The following SHCBP1 variants were observed in gnomAD, a reference collection of about 807,000 sequenced individuals.
SHCBP1 encodes SHC SH2 domain-binding protein 1.
Under a neutral mutation model 75.1 loss-of-function variants are expected in SHCBP1, and 60 were observed. That is an observed-to-expected ratio of 0.80 (90% CI 0.65 to 0.99). SHCBP1 has a LOEUF of 0.99. Ranked by LOEUF, SHCBP1 falls within the 50% of genes least tolerant of loss-of-function variation. The pLI, the probability that SHCBP1 is intolerant of heterozygous loss-of-function variation, is 0.00. For synonymous variants in SHCBP1, 290 were observed against 293.2 expected (o/e 0.99, Z 0.11); for missense variants, 709 against 809.4 (o/e 0.88, Z 1.50).
rs1184894060 is a variant in SHCBP1, at chr16:46,618,462, T to C, written c.104-90A>G. Reference sequence around the variant, plus strand: ...CCTTGCATAGAAATCCCAAACAAAATACAAACAAGAATTTGAATATGAATA... The same window carrying C: ...CCTTGCATAGAAATCCCAAACAAAACACAAACAAGAATTTGAATATGAATA... On this transcript the variant is annotated intron_variant, in intron 1 of 12. Coordinates refer to ENST00000303383, the MANE Select transcript of SHCBP1 (RefSeq NM_024745.5). The C allele has an allele frequency of 3.7e-6, 5 of 1,347,558 alleles. No individual in the cohort carries two copies. The African/African-American group carries it at 7.4e-5, about 20-fold the overall frequency. The allele number at this position is 1,347,558 out of a possible 1,614,324, so 83.5% of individuals were successfully genotyped here.
rs201988609 is a variant in SHCBP1, at chr16:46,585,514, C to CA, written c.1465-1426dup. Among the ~76,000 whole-genome samples, 1,210 of 152,214 alleles carry CA rather than the reference C, an allele frequency of 7.9e-3. 17 individuals carry two copies. Among genetic ancestry groups the CA allele is most frequent in the African/African-American group, 0.028 (1,144 of 41,536 alleles). On this transcript the variant is annotated intron_variant, in intron 10 of 12. Coordinates refer to ENST00000303383, the MANE Select transcript of SHCBP1 (RefSeq NM_024745.5). ...GCCAGCAATCCAGTACACCAACAGACATACACCCAAAAAAAAGCTGCTCTA... is the reference window on the plus strand; with the variant it reads ...GCCAGCAATCCAGTACACCAACAGACAATACACCCAAAAAAAAGCTGCTCTA...
At chr16:46,595,776 G>T in intron 9 of SHCBP1, 106 bp from the exon 10 acceptor site, 1 of 632,828 alleles carries the variant, frequency 1.6e-6, no homozygotes. Flanking sequence ...TTTCTCAATG[G>T]CTATCATTTA....
intron 4 of SHCBP1, among the ~76,000 whole-genome samples, chr16:46,614,387 C>T (rs1446981725): frequency 6.6e-6 from 1 of 152,192 alleles, no homozygotes; most frequent in African/African-American, 2.4e-5. Context: ...GCTCAGTCTT[C>T]TAGTTCCTGA....
chr16:46,612,277 C>A (rs1032495474), intron 4 of SHCBP1, among the ~76,000 whole-genome samples: 6 of 152,182 alleles, frequency 3.9e-5, no homozygotes, highest in African/African-American at 1.4e-4. Flanking sequence ...ACATGGAAGT[C>A]TTTGAGCATA....
intron 10 of SHCBP1, 80 bp from the exon 11 acceptor site, chr16:46,584,169 C>T (rs887709232): frequency 2.0e-6 from 2 of 983,890 alleles, no homozygotes; most frequent in Non-Finnish European, 3.0e-6. Flanking sequence ...TACTTCTTAG[C>T]CTTTAACACA....
chr16:46,616,843 G>A lies in SHCBP1; in HGVS notation c.388-689C>T, dbSNP rs1311570916. 6.6e-6 allele frequency among the ~76,000 whole-genome samples: 1 copy of A among 152,080 alleles called. No individual in the cohort carries two copies. Among genetic ancestry groups the A allele is most frequent in the African/African-American group, 2.4e-5 (1 of 41,392 alleles). ...GCACTTATCATAACCAAATGAATAG[G>A]CCTGAACTTCAACCAAAAAATATTA... On this transcript the variant is annotated intron_variant, in intron 3 of 12. Transcript: ENST00000303383. This position sits in a 1 kb window ranked among gnomAD's most constrained non-coding sequence, Gnocchi z 4.4.
intron 1 of SHCBP1, 33 bp downstream of exon 1, chr16:46,621,224 G>A (rs766711777): frequency 6.3e-7 from 1 of 1,582,230 alleles, no homozygotes; most frequent in Admixed American, 1.7e-5. Flanking sequence ...TCCGCTCAGA[G>A]GCGGCTCCTC....
chr16:46,615,910 G>C (rs752504584), intron 4 of SHCBP1, 36 bp downstream of exon 4: 2 of 1,603,252 alleles, frequency 1.2e-6, no homozygotes, highest in African/African-American at 1.3e-5. Flanking sequence ...CAAAGTTTCT[G>C]GCCACAAGGT....
At chr16:46,595,190 C>T (rs1316168446) in intron 10 of SHCBP1, among the ~76,000 whole-genome samples, 1 of 152,142 alleles carries the variant, frequency 6.6e-6, no homozygotes, top group Non-Finnish European at 1.5e-5. Context: ...TGTCAGTATT[C>T]TGGTTGTGAT....
rs9673832 is a variant in SHCBP1, at chr16:46,589,852, A to G, written c.1464+5700T>C. Among the ~76,000 whole-genome samples the G allele has an allele frequency of 5.7e-3, 863 of 152,308 alleles. 2 individuals carry two copies. The highest frequency in any genetic ancestry group is 0.013 in the Admixed American group (203 of 15,300). On this transcript the variant is annotated intron_variant, in intron 10 of 12. Transcript: ENST00000303383. ...TTCATATGGAACCAAAAAAGAGCCC[A>G]CATCGCCAAGACAATCCTAAGCCAA...
intron 8 of SHCBP1, 102 bp from the exon 9 acceptor site, chr16:46,600,064 A>C: frequency 1.5e-6 from 2 of 1,290,908 alleles, no homozygotes; most frequent in Non-Finnish European, 2.1e-6. Flanking sequence ...TGCAGATGAT[A>C]ATGAGACCAG....
chr16:46,618,190 A>G lies in SHCBP1; in HGVS notation c.271+15T>C. On this transcript the variant is annotated intron_variant, in intron 2 of 12. Coordinates refer to ENST00000303383, the MANE Select transcript of SHCBP1 (RefSeq NM_024745.5). ...AAACTCCATCTCAAAAAAAAAAAGC[A>G]AAAAACCTACTCACCTAAAATGTAA... 1.9e-6 allele frequency: 3 copies of G among 1,574,862 alleles called. No homozygotes were observed. Among genetic ancestry groups the G allele is most frequent in the Non-Finnish European group, 2.6e-6 (3 of 1,166,232 alleles).
intron 10 of SHCBP1, among the ~76,000 whole-genome samples, chr16:46,584,812 T>C (rs1964932637): frequency 6.6e-6 from 1 of 152,246 alleles, no homozygotes; most frequent in African/African-American, 2.4e-5. Context: ...TCTATAGTTA[T>C]TTCAGCAACC....
intron 8 of SHCBP1, among the ~76,000 whole-genome samples, chr16:46,601,308 CAA>C (rs895442312): frequency 1.3e-5 from 2 of 151,784 alleles, no homozygotes; most frequent in African/African-American, 4.8e-5. Context: ...GACTCCACCT[CAA>C]AAAAACAAAA....
chr16:46,607,029 T>C lies in SHCBP1; in HGVS notation c.689+1268A>G, dbSNP rs371919067. ...TCGTAGAGGTGGGGTCTCACTATGT[T>C]GCCCAGGCTGGTCTCAAACTCCTAA... On this transcript the variant is annotated intron_variant, in intron 5 of 12. Transcript: ENST00000303383. Among the ~76,000 whole-genome samples the C allele has an allele frequency of 1.1e-4, 16 of 152,088 alleles. No homozygotes were observed. In the East Asian group the frequency reaches 2.9e-3, roughly 28 times the overall value.
At chr16:46,585,535 C>T (rs1181955527) in intron 10 of SHCBP1, among the ~76,000 whole-genome samples, 1 of 152,144 alleles carries the variant, frequency 6.6e-6, no homozygotes, top group Non-Finnish European at 1.5e-5. Context: ...AAAAAAGCTG[C>T]TCTAACGAAA....
At chr16:46,596,028 G>A (rs918886275) in intron 9 of SHCBP1, among the ~76,000 whole-genome samples, 1 of 152,110 alleles carries the variant, frequency 6.6e-6, no homozygotes, top group Non-Finnish European at 1.5e-5. Context: ...ACTCCCATGT[G>A]GAGATAACTT....
intron 10 of SHCBP1, among the ~76,000 whole-genome samples, chr16:46,594,468 G>A (rs1237085692): frequency 6.6e-6 from 1 of 152,028 alleles, no homozygotes; most frequent in Non-Finnish European, 1.5e-5. Context: ...AGGATATAAG[G>A]GTGGCAAATA....
chr16:46,588,787 A>C (rs1462749554), intron 10 of SHCBP1, among the ~76,000 whole-genome samples: 1 of 152,218 alleles, frequency 6.6e-6, no homozygotes, highest in Non-Finnish European at 1.5e-5. Context: ...ATTCCAATCA[A>C]TAGAAAAAGA....
Sources: gnomAD v4.1 joint callset for allele counts (sites outside exome capture counted in the v4.1 genomes callset) on GRCh38, gnomAD v4.1.1 for gene constraint, Gnocchi (gnomAD v3.1) non-coding constraint, MANE v1.5 for transcripts, NCBI Gene and HGNC (gene_info 2026-07-23, HGNC 2026-07-21) for gene names.